LRCH2: variants seen among roughly 807,000 people sequenced by gnomAD.
LRCH2 encodes the protein leucine rich repeats and calponin homology domain containing 2.
Under a neutral mutation model 68.9 loss-of-function variants are expected in LRCH2, and 38 were observed. The observed-to-expected ratio is 0.55, with a 90% CI of 0.43 to 0.72. The LOEUF is 0.72. Ranked by LOEUF, LRCH2 falls within the 30% of genes least tolerant of loss-of-function variation. The pLI is 0.00. For missense variants in LRCH2, 528 were observed against 572.9 expected, an observed-to-expected ratio of 0.92 and a Z score of 0.80; for synonymous variants, 191 against 208.1, an observed-to-expected ratio of 0.92 and a Z score of 0.71.
chrX:115,225,802 G>A (rs1357608700), intron 1 of LRCH2, among the ~76,000 whole-genome samples: 1 of 109,324 alleles, frequency 9.1e-6, no homozygotes, highest in East Asian at 2.8e-4. Flanking sequence ...CTATTTCACA[G>A]TACAGGAAAG....
At chrX:115,199,511 A>G (rs1367559074) in intron 1 of LRCH2, among the ~76,000 whole-genome samples, 1 of 112,390 alleles carries the variant, frequency 8.9e-6, no homozygotes, top group Non-Finnish European at 1.9e-5. Context: ...CTGTACTTGC[A>G]TCAATTAAAT....
At chrX:115,143,425 G>C (rs1197457524) in intron 14 of LRCH2, among the ~76,000 whole-genome samples, 1 of 111,136 alleles carries the variant, frequency 9.0e-6, no homozygotes, top group Non-Finnish European at 1.9e-5. Context: ...ACCAAAATTG[G>C]ATCATGAAGA....
intron 1 of LRCH2, among the ~76,000 whole-genome samples, chrX:115,188,806 G>C (rs1443557599): frequency 2.7e-5 from 3 of 111,923 alleles, no homozygotes; most frequent in Non-Finnish European, 5.6e-5. Flanking sequence ...ACTCCAGCCT[G>C]AGTGACAGAG....
intron 5 of LRCH2, among the ~76,000 whole-genome samples, chrX:115,174,417 T>C (rs782580761): frequency 5.7e-4 from 61 of 107,555 alleles, no homozygotes; most frequent in Non-Finnish European, 8.5e-4. Flanking sequence ...TCACCAGGAG[T>C]TCAACTTTTT....
chrX:115,173,453 G>A (rs782069651), intron 5 of LRCH2, among the ~76,000 whole-genome samples: 5 of 111,848 alleles, frequency 4.5e-5, no homozygotes, highest in African/African-American at 1.3e-4. Flanking sequence ...AGGGCCACAT[G>A]AGTAAACAAG....
chrX:115,123,312 C>G, intron 17 of LRCH2, 120 bp from the exon 18 acceptor site: 2 of 476,654 alleles, frequency 4.2e-6, no homozygotes, highest in East Asian at 7.6e-5. Flanking sequence ...CTCACTAATA[C>G]ATTCCAAATA....
intron 12 of LRCH2, among the ~76,000 whole-genome samples, chrX:115,155,391 T>C (rs1251736459): frequency 3.6e-5 from 4 of 110,393 alleles, no homozygotes; most frequent in South Asian, 7.7e-4. Context: ...AGCACATGTA[T>C]ACCTAGTAAC....
chrX:115,202,008 A>C (rs2072933638), intron 1 of LRCH2, among the ~76,000 whole-genome samples: 1 of 111,982 alleles, frequency 8.9e-6, no homozygotes, highest in African/African-American at 3.2e-5. Context: ...GAAGATGACA[A>C]AAACAAATGG....
intron 16 of LRCH2, 137 bp downstream of exon 16, chrX:115,126,706 C>T (rs1556528205): frequency 8.9e-6 from 4 of 449,965 alleles, no homozygotes; most frequent in African/African-American, 5.3e-5. Context: ...TAATCTGCCA[C>T]GGATTTTAAA....
At chrX:115,146,815 T>G (rs1275118961) in intron 14 of LRCH2, among the ~76,000 whole-genome samples, 2 of 107,993 alleles carry the variant, frequency 1.9e-5, no homozygotes, top group African/African-American at 6.8e-5. Flanking sequence ...TGAAACAGTT[T>G]TACCTAGTTT....
intron 1 of LRCH2, among the ~76,000 whole-genome samples, chrX:115,206,087 A>G (rs2072964867): frequency 8.9e-6 from 1 of 112,109 alleles, no homozygotes; most frequent in Non-Finnish European, 1.9e-5. Context: ...CACATTTTTC[A>G]TGCTTCTTTA....
intron 5 of LRCH2, among the ~76,000 whole-genome samples, chrX:115,175,236 C>A (rs371605888): frequency 2.1e-4 from 23 of 111,427 alleles, no homozygotes; most frequent in East Asian, 1.7e-3. Context: ...CGCCCCTCCC[C>A]TGTCTCTCAC....
chrX:115,153,210 T>C (rs1346761313), intron 12 of LRCH2, among the ~76,000 whole-genome samples: 2 of 107,595 alleles, frequency 1.9e-5, no homozygotes, highest in Admixed American at 2.0e-4. Flanking sequence ...TGGTCCCAGT[T>C]ACTTGGGAGG....
chrX:115,192,409 T>C, intron 1 of LRCH2: 1 of 1,166,378 alleles, frequency 8.6e-7, no homozygotes, highest in Non-Finnish European at 1.1e-6. Context: ...CCAGGGCAGC[T>C]TGCCTGACGC....
chrX:115,142,655 C>T (rs2072349182), intron 14 of LRCH2, among the ~76,000 whole-genome samples: 1 of 111,487 alleles, frequency 9.0e-6, no homozygotes, highest in Admixed American at 9.5e-5. Flanking sequence ...CATAGCAAAA[C>T]CTATGGGATA....
Position 115,190,389 on chromosome X carries a change from G to A in LRCH2, c.350-2019C>T, listed in dbSNP as rs782558206. ...GAGGCCCATGCGGCGCTGCCCCTGT[G>A]TGGGGGACACCGCCATCTTATGGAG... On this transcript the variant is annotated intron_variant, in intron 1 of 20. Coordinates refer to ENST00000317135, the MANE Select transcript of LRCH2 (RefSeq NM_020871.4). The A allele has an allele frequency of 1.4e-4, 160 of 1,162,060 alleles. 1 individual carries two copies. In the East Asian group the frequency reaches 5.1e-3, roughly 37 times the overall value.
At chrX:115,195,981 G>A (rs781881281) in intron 1 of LRCH2, among the ~76,000 whole-genome samples, 14 of 112,051 alleles carry the variant, frequency 1.2e-4, no homozygotes, top group Non-Finnish European at 1.9e-4. Context: ...GAGTGGTCCT[G>A]GGAATCTGCA....
At chrX:115,163,601 C>A in intron 11 of LRCH2, 75 bp downstream of exon 11, 1 of 730,058 alleles carries the variant, frequency 1.4e-6, no homozygotes, top group South Asian at 3.1e-5. Context: ...ACTTCATATA[C>A]TTTGATAATC....
chrX:115,149,144 A>G (rs2072412362), intron 14 of LRCH2, among the ~76,000 whole-genome samples: 1 of 111,770 alleles, frequency 8.9e-6, no homozygotes, highest in Non-Finnish European at 1.9e-5. Flanking sequence ...TGTTTGTACT[A>G]TTCATTTGAG....
Sources: gnomAD v4.1 joint callset for allele counts (sites outside exome capture counted in the v4.1 genomes callset) on GRCh38, gnomAD v4.1.1 for gene constraint, MANE v1.5 for transcripts, NCBI Gene and HGNC (gene_info 2026-07-23, HGNC 2026-07-21) for gene names.